Variants in MED20 observed in about 807,000 individuals in gnomAD.
MED20 encodes the protein mediator of RNA polymerase II transcription subunit 20.
A neutral mutation model predicts 19.7 loss-of-function variants in MED20; 19 were observed. The observed-to-expected ratio is 0.96, with a 90% CI of 0.67 to 1.42. The LOEUF (loss-of-function observed/expected upper bound fraction) is 1.42. Ranked by LOEUF, MED20 falls within the 40% of genes most tolerant of loss-of-function variation. MED20 has a pLI of 0.00. For synonymous variants in MED20, 105 were observed against 104.8 expected (o/e 1.00, Z -0.01); for missense variants, 225 against 273.0 (o/e 0.82, Z 1.24).
intron 2 of MED20, among the ~76,000 whole-genome samples, chr6:41,913,349 T>C (rs1775243051): frequency 6.6e-6 from 1 of 152,172 alleles, no homozygotes. Context: ...CTGCCTGCCA[T>C]GAAGGCGTGC....
chr6:41,918,630 G>A (rs1461718944), intron 1 of MED20, among the ~76,000 whole-genome samples: 1 of 151,732 alleles, frequency 6.6e-6, no homozygotes, highest in African/African-American at 2.4e-5. Context: ...TGGCTAACAC[G>A]GTGAAACCCC....
In MED20 at chr6:41,909,031, A is replaced by C. The variant is rs1775122465; in HGVS notation, c.423+238T>G. The C allele has an allele frequency of 5.4e-5, 29 of 533,124 alleles. No individual in the cohort carries two copies. In the South Asian group the frequency reaches 8.7e-4, roughly 16 times the overall value. 33.0% of individuals were successfully genotyped at this position (533,124 alleles called of 1,614,324 possible). On this transcript the variant is annotated intron_variant, in intron 3 of 3. Transcript: ENST00000265350. ...GACCTCATTTCTACTAAAAAAAAAA[A>C]AAAATTTAATTCGGTGGGTGTAGTC...
At chr6:41,912,352 C>CT (rs70987544) in intron 2 of MED20, among the ~76,000 whole-genome samples, 1,460 of 87,630 alleles carry the variant, frequency 0.017, 30 homozygotes, top group Non-Finnish European at 0.023. Context: ...GACCATAGTA[C>CT]TTTTTTTTTT....
At position 41,906,223 on chromosome 6, in the gene MED20, T is replaced by A. The variant is rs4714518; in HGVS notation, c.*849A>T. Reference sequence around the variant, plus strand: ...GCAATGCTCAGTCATATCTTTTTTTTAAAATCTGCTCTTTTCTCTCTCTCT... The same window carrying A: ...GCAATGCTCAGTCATATCTTTTTTTAAAAATCTGCTCTTTTCTCTCTCTCT... On this transcript the variant is annotated 3_prime_UTR_variant, in exon 4 of 4. Transcript: ENST00000265350. 118,563 of 152,018 alleles carry A rather than the reference T, an allele frequency of 0.78. 47,005 individuals are homozygous for A. The highest frequency in any genetic ancestry group is 0.94 in the African/African-American group (39,014 of 41,512). 9.4% of individuals were successfully genotyped at this position (152,018 alleles called of 1,614,324 possible).
At chr6:41,913,272 A>G (rs975041937) in intron 2 of MED20, among the ~76,000 whole-genome samples, 19 of 152,214 alleles carry the variant, frequency 1.2e-4, no homozygotes, top group African/African-American at 4.1e-4. Flanking sequence ...CTAAAGGCAC[A>G]GAGCCAGTAA....
chr6:41,912,946 A>G (rs547276312), intron 2 of MED20: 1 of 151,934 alleles, frequency 6.6e-6, no homozygotes, highest in Admixed American at 6.6e-5. Context: ...TGACTCTACA[A>G]AAAAAATCAA....
At position 41,916,950 on chromosome 6, in the gene MED20, G is replaced by C. The variant is rs369921112; in HGVS notation, c.15-11C>G. On this transcript the variant is annotated splice_polypyrimidine_tract_variant and intron_variant, in intron 1 of 3. Transcript: ENST00000265350. ...GGCATCTGGGACACACTGGAAAGGAGAGCACCAAATCGTCAGTTATCCAGA... is the reference window on the plus strand; with the variant it reads ...GGCATCTGGGACACACTGGAAAGGACAGCACCAAATCGTCAGTTATCCAGA... 7 of 1,613,578 alleles carry C rather than the reference G, an allele frequency of 4.3e-6. No individual in the cohort carries two copies. The Admixed American group carries it at 6.7e-5, about 15-fold the overall frequency.
chr6:41,909,029 A>C, intron 3 of MED20: 1 of 531,210 alleles, frequency 1.9e-6, no homozygotes, highest in South Asian at 3.5e-5. Context: ...CTAAAAAAAA[A>C]AAAAAATTTA....
At chr6:41,907,782 G>C (rs1775093983) in intron 3 of MED20, among the ~76,000 whole-genome samples, 1 of 152,094 alleles carries the variant, frequency 6.6e-6, no homozygotes, top group African/African-American at 2.4e-5. Flanking sequence ...TTCCCAAATA[G>C]TGTGTCATGG....
chr6:41,910,778 G>A (rs879543896), intron 2 of MED20, among the ~76,000 whole-genome samples: 4 of 151,684 alleles, frequency 2.6e-5, no homozygotes, highest in Admixed American at 1.3e-4. Context: ...GGGCTTCAGA[G>A]ATGTACAAGC....
In MED20 at chr6:41,916,946, A is replaced by G. The variant is rs1245028904; in HGVS notation, c.15-7T>C. The G allele has an allele frequency of 2.5e-6, 4 of 1,613,866 alleles. No individual in the cohort carries two copies. Among genetic ancestry groups the G allele is most frequent in the East Asian group, 2.2e-5 (1 of 44,884 alleles). On this transcript the variant is annotated splice_polypyrimidine_tract_variant and splice_region_variant and intron_variant, in intron 1 of 3. Transcript: ENST00000265350. ...CACAGGCATCTGGGACACACTGGAA[A>G]GGAGAGCACCAAATCGTCAGTTATC...
rs181199734 is a variant in MED20, at chr6:41,906,840, G to A, written c.*232C>T. On this transcript the variant is annotated 3_prime_UTR_variant, in exon 4 of 4. Coordinates refer to ENST00000265350, the MANE Select transcript of MED20 (RefSeq NM_004275.5). ...TTCATAATTACCATTCTTGAGGACAGGCCAAATCCAGTAAGGCACGGAGTA... is the reference window on the plus strand; with the variant it reads ...TTCATAATTACCATTCTTGAGGACAAGCCAAATCCAGTAAGGCACGGAGTA... 1.1e-5 allele frequency: 6 copies of A among 543,208 alleles called. No individual in the cohort carries two copies. Among genetic ancestry groups the A allele is most frequent in the Middle Eastern group, 4.9e-4 (1 of 2,036 alleles). The allele number at this position is 543,208 out of a possible 1,614,324, so 33.6% of individuals were successfully genotyped here.
chr6:41,916,701 G>T, intron 2 of MED20, 84 bp downstream of exon 2: 3 of 1,528,638 alleles, frequency 2.0e-6, no homozygotes, highest in Non-Finnish European at 2.7e-6. Flanking sequence ...ACCTTTAGCA[G>T]AAAAGCAGAA....
chr6:41,909,062 T>G, intron 3 of MED20: 1 of 632,760 alleles, frequency 1.6e-6, no homozygotes, highest in East Asian at 2.7e-5. Context: ...TAGTCCCAGG[T>G]ACTTGGGAGA....
chr6:41,909,651 G>A, intron 2 of MED20, 129 bp from the exon 3 acceptor site: 2 of 1,354,958 alleles, frequency 1.5e-6, no homozygotes, highest in South Asian at 2.8e-5. Flanking sequence ...CTTGGTTGGG[G>A]GTGAGGGGAA....
chr6:41,912,935 T>C (rs111931658), intron 2 of MED20: 4,777 of 151,912 alleles, frequency 0.031, 125 homozygotes, highest in African/African-American at 0.065. Context: ...TAGGGAGACC[T>C]TGACTCTACA....
chr6:41,915,986 C>T (rs2127379583), intron 2 of MED20, among the ~76,000 whole-genome samples: 1 of 152,214 alleles, frequency 6.6e-6, no homozygotes, highest in East Asian at 1.9e-4. Context: ...GTGGCTCATA[C>T]CTATAATCCC....
rs192175398 is a variant in MED20, at chr6:41,915,237, C to A, written c.169+1548G>T. Among the ~76,000 whole-genome samples, 341 of 151,814 alleles carry A rather than the reference C, an allele frequency of 2.2e-3. 2 individuals carry two copies. The highest frequency in any genetic ancestry group is 7.9e-3 in the African/African-American group (328 of 41,392). Reference sequence around the variant, plus strand: ...TCCCTTGAGCTCAGGAGTTTGACACCAGCTACTTGAGAGGCTGAGGTGGGA... The same window carrying A: ...TCCCTTGAGCTCAGGAGTTTGACACAAGCTACTTGAGAGGCTGAGGTGGGA... On this transcript the variant is annotated intron_variant, in intron 2 of 3. Transcript: ENST00000265350.
intron 1 of MED20, among the ~76,000 whole-genome samples, chr6:41,919,128 C>CA (rs35512146): frequency 0.14 from 6,201 of 43,348 alleles, 625 homozygotes; most frequent in African/African-American, 0.25. Context: ...GACTCTGCCT[C>CA]AAAAAAAAAA....
Sources: allele counts gnomAD v4.1 joint callset (sites outside exome capture counted in the v4.1 genomes callset), GRCh38; gene constraint gnomAD v4.1.1; transcripts MANE v1.5; gene names NCBI Gene and HGNC (gene_info 2026-07-23, HGNC 2026-07-21).